Variants in APAF1 observed in about 807,000 individuals in gnomAD.
APAF1 encodes apoptotic protease-activating factor 1.
In APAF1, 91 loss-of-function variants were observed where a neutral mutation model predicts 152.4. The observed-to-expected ratio is 0.60, with a 90% CI of 0.50 to 0.71. The LOEUF (loss-of-function observed/expected upper bound fraction) is 0.71, where lower values mean the gene tolerates loss of function less well. APAF1 is among the 30% of genes least tolerant of loss of function. The pLI, the probability that APAF1 is intolerant of heterozygous loss-of-function variation, is 0.00. For synonymous variants in APAF1, 484 were observed against 494.1 expected (o/e 0.98, Z 0.27); for missense variants, 1,283 against 1,472.0 (o/e 0.87, Z 2.10).
In APAF1 at chr12:98,708,502, G is replaced by A. The variant is rs988587687; in HGVS notation, c.2722-83G>A. The A allele has an allele frequency of 6.4e-6, 9 of 1,407,552 alleles. No individual in the cohort carries two copies. The Admixed American group carries it at 1.4e-4, about 22-fold the overall frequency. The allele number at this position is 1,407,552 out of a possible 1,614,324, so 87.2% of individuals were successfully genotyped here. The stretch of plus-strand genomic sequence containing the variant: ...CTTTCTAGCATCATAGGTATTTTAT[G>A]TGAAACATAGTTTGTCTCTCGCTTT... On this transcript the variant is annotated intron_variant, in intron 19 of 26. Coordinates refer to ENST00000551964, the MANE Select transcript of APAF1 (RefSeq NM_181861.2).
intron 16 of APAF1, among the ~76,000 whole-genome samples, chr12:98,687,675 C>T (rs945048672): frequency 2.0e-5 from 3 of 152,072 alleles, no homozygotes; most frequent in Admixed American, 2.0e-4. Flanking sequence ...AGGGTAGCGC[C>T]CTCATGACCT....
intron 18 of APAF1, among the ~76,000 whole-genome samples, chr12:98,706,221 T>C (rs1324583277): frequency 2.0e-5 from 3 of 152,336 alleles, no homozygotes; most frequent in African/African-American, 7.2e-5. Context: ...TTTTAATGGC[T>C]GCATGATATT....
intron 15 of APAF1, 71 bp from the exon 16 acceptor site, chr12:98,686,677 C>T: frequency 6.8e-7 from 1 of 1,460,908 alleles, no homozygotes; most frequent in Admixed American, 1.9e-5. Context: ...AAAGGAAGAA[C>T]TTCACATGAT....
At chr12:98,688,904 C>T (rs765785265) in intron 16 of APAF1, among the ~76,000 whole-genome samples, 1 of 151,636 alleles carries the variant, frequency 6.6e-6, no homozygotes, top group African/African-American at 2.4e-5. Flanking sequence ...AGTCTATCTC[C>T]TGGGCTTAGA....
Position 98,666,494 on chromosome 12 carries a change from A to G in APAF1, c.1362+137A>G, listed in dbSNP as rs890178043. On this transcript the variant is annotated intron_variant, in intron 9 of 26. Transcript: ENST00000551964. ...GCTTCCCCTAATATTAACATTTTATATAACCATAGTACAGTTGTTAAAGCC... is the reference window on the plus strand; with the variant it reads ...GCTTCCCCTAATATTAACATTTTATGTAACCATAGTACAGTTGTTAAAGCC... The G allele has an allele frequency of 1.4e-5, 11 of 809,674 alleles. No individual in the cohort carries two copies. The African/African-American group carries it at 1.4e-4, about 10-fold the overall frequency. 50.2% of individuals were successfully genotyped at this position (809,674 alleles called of 1,614,324 possible).
At chr12:98,653,689 A>AT (rs1335358276) in intron 4 of APAF1, among the ~76,000 whole-genome samples, 4 of 23,970 alleles carry the variant, frequency 1.7e-4, no homozygotes, top group African/African-American at 4.3e-4. Context: ...AAAAAAAAAA[A>AT]AAATATATAT....
chr12:98,680,261 A>G lies in APAF1; in HGVS notation c.1921-16A>G. 1 of 1,562,954 alleles carries G rather than the reference A, an allele frequency of 6.4e-7. No homozygotes were observed. Among genetic ancestry groups the G allele is most frequent in the Non-Finnish European group, 8.7e-7 (1 of 1,152,960 alleles). On this transcript the variant is annotated splice_polypyrimidine_tract_variant and intron_variant, in intron 13 of 26. Coordinates refer to ENST00000551964, the MANE Select transcript of APAF1 (RefSeq NM_181861.2). ...AGCAGTTTATTATAAAAAATATTTT[A>G]TTGTTACTTGTGCAGGTGTTCAAAG...
chr12:98,659,246 C>T lies in APAF1; in HGVS notation c.613C>T (p.Arg205Trp), dbSNP rs769817820. 4.0e-5 allele frequency: 64 copies of T among 1,614,028 alleles called. No homozygotes were observed. Among genetic ancestry groups the T allele is most frequent in the East Asian group, 6.7e-5 (3 of 44,894 alleles). Residue 205 changes from arginine (R) to tryptophan (W), a missense_variant, in exon 5 of 27, where the codon CGG becomes TGG. Arg to Trp is a moderately radical substitution (Grantham distance 101). Transcript: ENST00000551964. ...GATGAAACTGCAGAATCTTTGCACA[C>T]GGTTGGATCAGGATGAGAGTTTTTC... is the stretch of plus-strand genomic sequence containing the variant. ...LLMKLQNLCT[R>W]LDQDESFSQR... is the part of the protein sequence containing the mutation.
At chr12:98,700,597 CT>C (rs960035929) in intron 17 of APAF1, among the ~76,000 whole-genome samples, 17 of 152,146 alleles carry the variant, frequency 1.1e-4, no homozygotes, top group African/African-American at 7.2e-5. Flanking sequence ...AAGATTAAAA[CT>C]TTTTTATTGT....
chr12:98,674,925 G>A (rs542466150), intron 12 of APAF1, among the ~76,000 whole-genome samples: 251 of 152,274 alleles, frequency 1.6e-3, no homozygotes, highest in Middle Eastern at 3.4e-3. Context: ...AAGATTGAAT[G>A]AACTCATGTT....
chr12:98,692,963 C>G (rs2097705886), intron 16 of APAF1, among the ~76,000 whole-genome samples: 1 of 151,948 alleles, frequency 6.6e-6, no homozygotes, highest in African/African-American at 2.4e-5. Context: ...GAGAAATCTC[C>G]AAACTGCTTT....
At chr12:98,661,191 G>A (rs558434534) in intron 5 of APAF1, among the ~76,000 whole-genome samples, 1 of 152,104 alleles carries the variant, frequency 6.6e-6, no homozygotes, top group East Asian at 2.0e-4. Flanking sequence ...GTGAGCCACT[G>A]CGCTCGGCCC....
intron 5 of APAF1, 37 bp from the exon 6 acceptor site, chr12:98,662,417 TAA>T: frequency 7.1e-7 from 1 of 1,414,982 alleles, no homozygotes; most frequent in Non-Finnish European, 1.0e-6. Flanking sequence ...AAGCTTAAGA[TAA>T]GTGTCATTAG....
intron 22 of APAF1, among the ~76,000 whole-genome samples, chr12:98,718,016 ATAACAGGAAGTAT>A (rs1158543146): frequency 1.3e-5 from 2 of 152,160 alleles, no homozygotes; most frequent in Non-Finnish European, 2.9e-5. Flanking sequence ...GTTGGGGAAG[ATAACAGGAAGTAT>A]TAATAGATGT....
chr12:98,704,024 G>T (rs534440393), intron 18 of APAF1, among the ~76,000 whole-genome samples: 8 of 152,200 alleles, frequency 5.3e-5, no homozygotes, highest in African/African-American at 1.7e-4. Flanking sequence ...TGTTCAGAAT[G>T]TATACCTAGC....
intron 22 of APAF1, among the ~76,000 whole-genome samples, chr12:98,718,445 G>T (rs973324262): frequency 1.3e-5 from 2 of 152,054 alleles, no homozygotes; most frequent in African/African-American, 4.8e-5. Context: ...ATGTTGGCCA[G>T]GCTGGTCTTG....
At chr12:98,648,929 TA>T (rs747009471) in intron 3 of APAF1, 114 bp downstream of exon 3, 29 of 1,049,128 alleles carry the variant, frequency 2.8e-5, no homozygotes, top group Non-Finnish European at 4.0e-5. Context: ...AACTGCATGT[TA>T]AAAAAATTGT....
chr12:98,729,115 A>AGAGGAGTG (rs1431773225), intron 26 of APAF1, among the ~76,000 whole-genome samples: 1 of 152,216 alleles, frequency 6.6e-6, no homozygotes, highest in Non-Finnish European at 1.5e-5. Flanking sequence ...AGCACAAAGG[A>AGAGGAGTG]GAGGAGTGAC....
intron 17 of APAF1, among the ~76,000 whole-genome samples, chr12:98,700,982 A>G (rs1183302392): frequency 6.7e-6 from 1 of 148,450 alleles, no homozygotes; most frequent in East Asian, 1.9e-4. Context: ...TATATATCAC[A>G]TTTTTTCTTT....
Sources: gnomAD v4.1 joint callset for allele counts (sites outside exome capture counted in the v4.1 genomes callset) on GRCh38, gnomAD v4.1.1 for gene constraint, MANE v1.5 for transcripts, NCBI Gene and HGNC (gene_info 2026-07-23, HGNC 2026-07-21) for gene names.